FBN2: variants seen among roughly 807,000 people sequenced by gnomAD.
FBN2 encodes fibrillin 2.
Under a neutral mutation model 355.6 loss-of-function variants are expected in FBN2, and 105 were observed. That is an observed-to-expected ratio of 0.30 (90% CI 0.25 to 0.35). The LOEUF is 0.35. FBN2 is among the 10% of genes least tolerant of loss of function. The pLI is 1.00. For synonymous variants in FBN2, 1,350 were observed against 1,301.2 expected (o/e 1.04, Z -0.81); for missense variants, 3,280 against 3,758.7 (o/e 0.87, Z 3.33).
chr5:128,272,501 T>G (rs1487325639), intron 61 of FBN2, among the ~76,000 whole-genome samples: 1 of 142,196 alleles, frequency 7.0e-6, no homozygotes, highest in Non-Finnish European at 1.5e-5. Context: ...ATATTTGCAT[T>G]GCATAGTCCA....
chr5:128,490,606 C>A lies in FBN2; in HGVS notation c.629-25685G>T, dbSNP rs1755474235. Among the ~76,000 whole-genome samples, 4 of 152,204 alleles carry A rather than the reference C, an allele frequency of 2.6e-5. No homozygotes were observed. In the South Asian group the frequency reaches 8.3e-4, roughly 31 times the overall value. ...CATAAGTGATTACACAGGTTTATGT[C>A]CCCAAGGGACACATATTTTATTTCG... On this transcript the variant is annotated intron_variant, in intron 5 of 64. Coordinates refer to ENST00000262464, the MANE Select transcript of FBN2 (RefSeq NM_001999.4).
chr5:128,508,663 G>GT (rs1268681381), intron 5 of FBN2, among the ~76,000 whole-genome samples: 1 of 151,766 alleles, frequency 6.6e-6, no homozygotes, highest in Admixed American at 6.6e-5. Flanking sequence ...ACATAGTTAC[G>GT]TTTTTTGATA....
At chr5:128,351,716 T>C (rs1751373518) in intron 20 of FBN2, among the ~76,000 whole-genome samples, 1 of 151,848 alleles carries the variant, frequency 6.6e-6, no homozygotes, top group Non-Finnish European at 1.5e-5. Flanking sequence ...CTAAGAGGAG[T>C]TGTCCAAGAT....
chr5:128,329,410 CT>C (rs1012633690), intron 33 of FBN2, among the ~76,000 whole-genome samples: 2 of 151,980 alleles, frequency 1.3e-5, no homozygotes, highest in African/African-American at 4.8e-5. Context: ...GGAAAAATCA[CT>C]GTTTAGTGAG....
At chr5:128,347,842 G>A (rs948401882) in intron 23 of FBN2, among the ~76,000 whole-genome samples, 1 of 151,650 alleles carries the variant, frequency 6.6e-6, no homozygotes, top group African/African-American at 2.4e-5. Flanking sequence ...ATAGTGGTGC[G>A]ACCTCGGCTC....
At chr5:128,518,935 C>T (rs1756357771) in intron 5 of FBN2, among the ~76,000 whole-genome samples, 1 of 152,160 alleles carries the variant, frequency 6.6e-6, no homozygotes, top group African/African-American at 2.4e-5. Context: ...GATAACTTGA[C>T]ACTATTTCAT....
intron 6 of FBN2, among the ~76,000 whole-genome samples, chr5:128,454,277 T>C (rs1294241761): frequency 6.6e-6 from 1 of 152,240 alleles, no homozygotes; most frequent in Admixed American, 6.5e-5. Context: ...ATTTTCATGT[T>C]AGTTTTTTGT....
intron 5 of FBN2, among the ~76,000 whole-genome samples, chr5:128,491,453 G>A (rs1755502500): frequency 6.6e-6 from 1 of 152,170 alleles, no homozygotes; most frequent in Non-Finnish European, 1.5e-5. Flanking sequence ...AGGGTCAGAT[G>A]GTAACTGAGC....
At chr5:128,442,237 A>G (rs1394858948) in intron 7 of FBN2, 1 of 448,734 alleles carries the variant, frequency 2.2e-6, no homozygotes, top group African/African-American at 2.0e-5. Context: ...ACTTTCCAAT[A>G]CAATGATGTT....
At chr5:128,475,675 G>A (rs1226576280) in intron 5 of FBN2, among the ~76,000 whole-genome samples, 1 of 152,096 alleles carries the variant, frequency 6.6e-6, no homozygotes, top group African/African-American at 2.4e-5. Flanking sequence ...TATACTCAAC[G>A]AAAAAGCTTC....
chr5:128,462,134 T>G (rs1019247409), intron 6 of FBN2, among the ~76,000 whole-genome samples: 1 of 152,220 alleles, frequency 6.6e-6, no homozygotes, highest in Non-Finnish European at 1.5e-5. Context: ...AGGATATCAT[T>G]ATCTTCCAAA....
chr5:128,306,961 T>C (rs1252339921), intron 42 of FBN2, among the ~76,000 whole-genome samples, 174 bp downstream of exon 42: 2 of 152,212 alleles, frequency 1.3e-5, no homozygotes, highest in Non-Finnish European at 2.9e-5. Context: ...GGAGTATCAT[T>C]ATTAATACTT....
chr5:128,309,149 A>T, intron 41 of FBN2, 98 bp downstream of exon 41: 1 of 1,315,160 alleles, frequency 7.6e-7, no homozygotes, highest in Non-Finnish European at 1.1e-6. Flanking sequence ...GGAACTGAGC[A>T]TCTCTAGTTT....
At chr5:128,271,491 T>C (rs1428973873) in intron 62 of FBN2, among the ~76,000 whole-genome samples, 1 of 152,160 alleles carries the variant, frequency 6.6e-6, no homozygotes, top group East Asian at 1.9e-4. Context: ...AACACTTCTG[T>C]CTAGAGCTGC....
At position 128,416,794 on chromosome 5, in the gene FBN2, T is replaced by C. The variant is rs368372640; in HGVS notation, c.953-7995A>G. 2.6e-5 allele frequency among the ~76,000 whole-genome samples: 4 copies of C among 152,212 alleles called. No individual in the cohort carries two copies. The South Asian group carries it at 8.3e-4, about 32-fold the overall frequency. On this transcript the variant is annotated intron_variant, in intron 7 of 64. Transcript: ENST00000262464. ...GCAAGTATCATGCTGTTTTGGTTACTAGAGCCTTGTAATATATTTTTGAAG... is the reference window on the plus strand; with the variant it reads ...GCAAGTATCATGCTGTTTTGGTTACCAGAGCCTTGTAATATATTTTTGAAG...
Position 128,258,347 on chromosome 5 carries a change from T to C in FBN2, c.*1108A>G, listed in dbSNP as rs557261948. 27 of 152,680 alleles carry C rather than the reference T, an allele frequency of 1.8e-4. No individual in the cohort carries two copies. The highest frequency in any genetic ancestry group is 6.3e-4 in the African/African-American group (26 of 41,542). The allele number at this position is 152,680 out of a possible 1,614,324, so 9.5% of individuals were successfully genotyped here. A position where few individuals can be genotyped will look rare whatever the true frequency, so the allele number is the denominator to read the frequency against. On this transcript the variant is annotated 3_prime_UTR_variant, in exon 65 of 65. Transcript: ENST00000262464. ...ATGATAAAATGAGGCATATGGTGTA[T>C]AACTACAGTATTAATGAAAATTCTA... is the stretch of plus-strand genomic sequence containing the variant.
chr5:128,325,387 T>G (rs892163313), intron 34 of FBN2, among the ~76,000 whole-genome samples: 15 of 152,374 alleles, frequency 9.8e-5, no homozygotes, highest in African/African-American at 3.6e-4. Flanking sequence ...TTTTGATCTC[T>G]GTTGGCTTAA....
At chr5:128,377,634 A>C (rs1182506932) in intron 13 of FBN2, 118 bp downstream of exon 13, 2 of 1,064,378 alleles carry the variant, frequency 1.9e-6, no homozygotes, top group Non-Finnish European at 2.9e-6. Flanking sequence ...ATTTTACCTA[A>C]GTTACCTGAA....
intron 16 of FBN2, among the ~76,000 whole-genome samples, chr5:128,366,801 C>G (rs1751781541): frequency 6.6e-6 from 1 of 152,056 alleles, no homozygotes; most frequent in Admixed American, 6.6e-5. Flanking sequence ...TTACCAAGTG[C>G]CTGGTATTGT....
Sources: gnomAD v4.1 joint callset for allele counts (sites outside exome capture counted in the v4.1 genomes callset) on GRCh38, gnomAD v4.1.1 for gene constraint, MANE v1.5 for transcripts, NCBI Gene and HGNC (gene_info 2026-07-23, HGNC 2026-07-21) for gene names.